Variants in NFIA observed in about 807,000 individuals in gnomAD.
NFIA encodes the protein nuclear factor 1 A-type.
In NFIA, 8 loss-of-function variants were observed where a neutral mutation model predicts 62.8. That is an observed-to-expected ratio of 0.13 (90% CI 0.07 to 0.23). NFIA has a LOEUF of 0.23. NFIA is among the 10% of genes least tolerant of loss of function. NFIA has a pLI of 1.00. For synonymous variants in NFIA, 235 were observed against 238.1 expected (o/e 0.99, Z 0.12); for missense variants, 410 against 642.1 (o/e 0.64, Z 3.91).
intron 4 of NFIA, among the ~76,000 whole-genome samples, chr1:61,336,873 A>G (rs1466479576): frequency 1.3e-5 from 2 of 152,164 alleles, no homozygotes; most frequent in Non-Finnish European, 2.9e-5. Flanking sequence ...AAAATTTCAC[A>G]GTCATCATTA....
At chr1:61,430,313 A>G (rs1667046523) in intron 10 of NFIA, among the ~76,000 whole-genome samples, 1 of 152,176 alleles carries the variant, frequency 6.6e-6, no homozygotes, top group Admixed American at 6.5e-5. Context: ...TAAAAATATG[A>G]CTTTTTCTTA....
chr1:61,308,953 C>T (rs2100344547), intron 3 of NFIA, among the ~76,000 whole-genome samples: 1 of 152,248 alleles, frequency 6.6e-6, no homozygotes, highest in South Asian at 2.1e-4. Context: ...CAGCACTTCT[C>T]CAGAAGCCGT....
chr1:61,447,975 C>T (rs927516042), intron 10 of NFIA, among the ~76,000 whole-genome samples: 3 of 152,114 alleles, frequency 2.0e-5, no homozygotes, highest in Non-Finnish European at 2.9e-5. Context: ...AGAATAGCAG[C>T]GTTAACACAC....
intron 2 of NFIA, among the ~76,000 whole-genome samples, chr1:61,201,384 C>G (rs934031419): frequency 6.6e-6 from 1 of 151,788 alleles, no homozygotes. Context: ...TTCTGGTGCT[C>G]AAAGAGATAC....
intron 3 of NFIA, among the ~76,000 whole-genome samples, chr1:61,295,527 G>T (rs1659146784): frequency 6.6e-6 from 1 of 152,114 alleles, no homozygotes; most frequent in Non-Finnish European, 1.5e-5. Flanking sequence ...GAAGAGTGTG[G>T]TCGTCTAATT....
intron 2 of NFIA, among the ~76,000 whole-genome samples, chr1:61,234,978 C>T (rs1654903655): frequency 6.6e-6 from 1 of 152,144 alleles, no homozygotes; most frequent in African/African-American, 2.4e-5. Context: ...TTAGTTCCTC[C>T]CTCTTCCTGG....
intron 2 of NFIA, among the ~76,000 whole-genome samples, chr1:61,194,842 C>G (rs1196707895): frequency 6.6e-6 from 1 of 152,128 alleles, no homozygotes. Context: ...CTCTTAATTT[C>G]TAGGGTTCTC....
chr1:61,223,360 T>TA (rs1332231178), intron 2 of NFIA, among the ~76,000 whole-genome samples: 1 of 151,970 alleles, frequency 6.6e-6, no homozygotes, highest in South Asian at 2.1e-4. Context: ...GTCATTTTTT[T>TA]AAAAAAAGTA....
rs557431108 is a variant in NFIA, at chr1:61,442,936, G to A, written c.1513-12367G>A. Among the ~76,000 whole-genome samples, 8 of 152,202 alleles carry A rather than the reference G, an allele frequency of 5.3e-5. No individual in the cohort carries two copies. The East Asian group carries it at 9.6e-4, about 18-fold the overall frequency. The stretch of plus-strand genomic sequence containing the variant: ...GCAGAACGTCATCTAAATGGATTCC[G>A]CTTTCATTCATGTCCTTATCCAGTA... On this transcript the variant is annotated intron_variant, in intron 10 of 10. Transcript: ENST00000403491.
chr1:61,368,451 A>G (rs573901847), intron 6 of NFIA, among the ~76,000 whole-genome samples: 2 of 152,370 alleles, frequency 1.3e-5, no homozygotes, highest in Admixed American at 1.3e-4. Context: ...GTACAAATTA[A>G]GAATTTTAAA....
chr1:61,291,581 G>A (rs145990785), intron 3 of NFIA, among the ~76,000 whole-genome samples: 3 of 152,294 alleles, frequency 2.0e-5, no homozygotes, highest in African/African-American at 7.2e-5. Flanking sequence ...AGGAAACTGA[G>A]GCTTGGAAGT....
In NFIA at chr1:61,372,009, A is replaced by G. The variant is rs529872012; in HGVS notation, c.947-11228A>G. Among the ~76,000 whole-genome samples, 74 of 152,298 alleles carry G rather than the reference A, an allele frequency of 4.9e-4. 1 individual carries two copies. The highest frequency in any genetic ancestry group is 1.6e-3 in the African/African-American group (68 of 41,588). On this transcript the variant is annotated intron_variant, in intron 6 of 10. Coordinates refer to ENST00000403491, the MANE Select transcript of NFIA (RefSeq NM_001134673.4). ...GATTGGTCTATGAAGAGTTGCCTGT[A>G]TAAAATTGGATCCTTGTGTTCGGTT...
chr1:61,237,709 T>G (rs954261135), intron 2 of NFIA, among the ~76,000 whole-genome samples: 34 of 152,208 alleles, frequency 2.2e-4, no homozygotes, highest in African/African-American at 8.2e-4. Flanking sequence ...GTTTACTACA[T>G]TCTTGTTTTC....
At chr1:61,227,834 G>A (rs1654426189) in intron 2 of NFIA, among the ~76,000 whole-genome samples, 1 of 152,142 alleles carries the variant, frequency 6.6e-6, no homozygotes, top group Non-Finnish European at 1.5e-5. Flanking sequence ...ATCATAAGCA[G>A]GTGTTTCAGA....
At position 61,456,374 on chromosome 1, in the gene NFIA, TAAAAAAA is replaced by T. The variant is rs58761896; in HGVS notation, c.*1060_*1066del. On this transcript the variant is annotated 3_prime_UTR_variant, in exon 11 of 11. Coordinates refer to ENST00000403491, the MANE Select transcript of NFIA (RefSeq NM_001134673.4). Reference sequence around the variant, plus strand: ...TATCCCTTTAAAAACTGAAGGAAATTAAAAAAAAAAAACAAAAAAACAAATCTAATGG... The same window carrying T: ...TATCCCTTTAAAAACTGAAGGAAATTAAAAACAAAAAAACAAATCTAATGG... The T allele has an allele frequency of 6.8e-6, 1 of 146,388 alleles. No individual in the cohort carries two copies. Among genetic ancestry groups the T allele is most frequent in the Non-Finnish European group, 1.5e-5 (1 of 66,528 alleles). 9.1% of individuals were successfully genotyped at this position (146,388 alleles called of 1,614,324 possible).
At chr1:61,207,160 A>G (rs1489526310) in intron 2 of NFIA, among the ~76,000 whole-genome samples, 1 of 152,170 alleles carries the variant, frequency 6.6e-6, no homozygotes, top group Non-Finnish European at 1.5e-5. Flanking sequence ...AGAAAATTAG[A>G]TGAGAAGATT....
intron 2 of NFIA, among the ~76,000 whole-genome samples, chr1:61,107,181 G>A (rs1010160070): frequency 1.3e-5 from 2 of 151,162 alleles, no homozygotes; most frequent in African/African-American, 4.8e-5. Context: ...ATGTGCCTAG[G>A]ACTTAAATTG....
At chr1:61,266,953 G>A (rs914874714) in intron 2 of NFIA, among the ~76,000 whole-genome samples, 4 of 152,172 alleles carry the variant, frequency 2.6e-5, no homozygotes, top group Admixed American at 2.6e-4. Flanking sequence ...CTAGAGTCAG[G>A]TATTTGGAAT....
chr1:61,304,710 C>T (rs558768412), intron 3 of NFIA, among the ~76,000 whole-genome samples: 5 of 151,960 alleles, frequency 3.3e-5, no homozygotes, highest in African/African-American at 7.2e-5. Flanking sequence ...TTCCCCTGGT[C>T]CCCCAAAATT....
Sources: gnomAD v4.1 joint callset for allele counts (sites outside exome capture counted in the v4.1 genomes callset) on GRCh38, gnomAD v4.1.1 for gene constraint, MANE v1.5 for transcripts, NCBI Gene and HGNC (gene_info 2026-07-23, HGNC 2026-07-21) for gene names.